The following TPRG1 variants were observed in gnomAD, a reference collection of about 807,000 sequenced individuals.
TPRG1 encodes tumor protein p63 regulated 1, also known as tumor protein p63-regulated gene 1 protein.
A neutral mutation model predicts 29.3 loss-of-function variants in TPRG1; 29 were observed. The observed-to-expected ratio is 0.99, with a 90% CI of 0.74 to 1.35. The LOEUF is 1.35. TPRG1 is among the 40% of genes most tolerant of loss of function. The pLI is 0.00. For missense variants in TPRG1, 327 were observed against 335.0 expected (o/e 0.98, Z 0.19); for synonymous variants, 130 against 116.8 (o/e 1.11, Z -0.73).
At chr3:189,313,030 A>C (rs2109331501) in intron 5 of TPRG1, 1 of 146,134 alleles carries the variant, frequency 6.8e-6, no homozygotes, top group East Asian at 2.0e-4. Flanking sequence ...TCCTTAAATT[A>C]TTATTCCAAA....
chr3:189,097,087 T>G (rs1205741441), upstream of TPRG1, among the ~76,000 whole-genome samples: 1 of 152,218 alleles, frequency 6.6e-6, no homozygotes, highest in Non-Finnish European at 1.5e-5. Context: ...ACGCATTTGG[T>G]CATCTGGGAA....
chr3:189,063,178 T>C (rs1716226402), intron 4 of TPRG1, among the ~76,000 whole-genome samples: 2 of 152,004 alleles, frequency 1.3e-5, no homozygotes, highest in South Asian at 4.1e-4. Flanking sequence ...CATTACATAA[T>C]AATAAAAGGA....
At chr3:189,006,818 T>C (rs1712313275) in intron 3 of TPRG1, among the ~76,000 whole-genome samples, 1 of 152,192 alleles carries the variant, frequency 6.6e-6, no homozygotes, top group African/African-American at 2.4e-5. Context: ...TAAAGTTTTA[T>C]TGGAATACAG....
intron 4 of TPRG1, among the ~76,000 whole-genome samples, chr3:189,265,212 G>A (rs1302818330): frequency 6.6e-6 from 1 of 152,132 alleles, no homozygotes; most frequent in Non-Finnish European, 1.5e-5. Context: ...TAGTATGGTT[G>A]TCAATGTGAG....
intron 4 of TPRG1, among the ~76,000 whole-genome samples, chr3:189,093,043 T>C (rs751011559): frequency 3.3e-5 from 5 of 152,186 alleles, no homozygotes; most frequent in Non-Finnish European, 5.9e-5. Flanking sequence ...AATATACAGA[T>C]ATTTGCCTAG....
intron 4 of TPRG1, among the ~76,000 whole-genome samples, chr3:189,038,666 G>A (rs540854028): frequency 6.6e-6 from 1 of 152,044 alleles, no homozygotes; most frequent in African/African-American, 2.4e-5. Context: ...GAAGGACACT[G>A]TAGATAAAGG....
At chr3:189,041,478 C>T (rs777600022) in intron 4 of TPRG1, among the ~76,000 whole-genome samples, 16 of 152,148 alleles carry the variant, frequency 1.1e-4, no homozygotes, top group Non-Finnish European at 2.2e-4. Flanking sequence ...ACGTACTTCA[C>T]AGGACTATTG....
intron 1 of TPRG1, among the ~76,000 whole-genome samples, chr3:189,115,157 A>G (rs1435010281): frequency 6.6e-6 from 1 of 152,214 alleles, no homozygotes; most frequent in Non-Finnish European, 1.5e-5. Flanking sequence ...GTGGAGCACA[A>G]AAACTGAGAA....
chr3:189,267,886 G>C (rs1472059318), intron 4 of TPRG1, among the ~76,000 whole-genome samples: 4 of 152,192 alleles, frequency 2.6e-5, no homozygotes, highest in Admixed American at 2.0e-4. Context: ...AGAACAGGGA[G>C]CGGTATGTGG....
At chr3:189,134,745 C>A (rs1427103020) in intron 3 of TPRG1, among the ~76,000 whole-genome samples, 1 of 152,002 alleles carries the variant, frequency 6.6e-6, no homozygotes, top group East Asian at 1.9e-4. Context: ...ACATTTTACT[C>A]ATATGTTAAT....
At chr3:189,313,070 G>A (rs762806008) in intron 5 of TPRG1, 2 of 148,196 alleles carry the variant, frequency 1.3e-5, no homozygotes, top group Non-Finnish European at 3.0e-5. Context: ...TTTTCCTTTA[G>A]CAATAGTCTG....
chr3:189,243,673 G>A (rs776824266), intron 4 of TPRG1, among the ~76,000 whole-genome samples: 14 of 152,062 alleles, frequency 9.2e-5, no homozygotes, highest in Non-Finnish European at 1.9e-4. Context: ...CTTAGAAGCA[G>A]CCAGGTCACA....
chr3:189,208,995 A>G (rs1449446610), intron 2 of TPRG1, among the ~76,000 whole-genome samples: 1 of 152,232 alleles, frequency 6.6e-6, no homozygotes, highest in Non-Finnish European at 1.5e-5. Context: ...GGAAAAAGGA[A>G]TAGGAAAAAA....
At chr3:189,066,322 G>A (rs536441651) in intron 4 of TPRG1, among the ~76,000 whole-genome samples, 2 of 152,024 alleles carry the variant, frequency 1.3e-5, no homozygotes, top group Admixed American at 6.5e-5. Context: ...ATTCAACAAG[G>A]CCAGTATTAC....
intron 3 of TPRG1, among the ~76,000 whole-genome samples, chr3:189,016,268 C>G (rs911245328): frequency 6.6e-6 from 1 of 152,098 alleles, no homozygotes; most frequent in African/African-American, 2.4e-5. Context: ...GGGCCTGTAG[C>G]ACCTTTATTT....
chr3:189,235,464 G>A (rs1415297125), intron 3 of TPRG1, among the ~76,000 whole-genome samples: 3 of 152,096 alleles, frequency 2.0e-5, no homozygotes. Flanking sequence ...GACTAGGCAT[G>A]GAATGTGAGG....
chr3:189,268,188 T>A (rs772117623), intron 4 of TPRG1, among the ~76,000 whole-genome samples: 10 of 152,126 alleles, frequency 6.6e-5, no homozygotes, highest in Non-Finnish European at 1.3e-4. Context: ...GAGGATTTTG[T>A]CATGTACACT....
chr3:189,202,679 T>C (rs1458938938), intron 1 of TPRG1, among the ~76,000 whole-genome samples: 2 of 152,110 alleles, frequency 1.3e-5, no homozygotes, highest in Admixed American at 6.6e-5. Context: ...CTGCTAAAAG[T>C]TTTGTGAACC....
At chr3:189,119,503 A>T (rs984115156) in intron 1 of TPRG1, among the ~76,000 whole-genome samples, 1 of 152,142 alleles carries the variant, frequency 6.6e-6, no homozygotes, top group African/African-American at 2.4e-5. Context: ...GGGCAAATTG[A>T]TATGGTTTGG....
Sources: allele counts gnomAD v4.1 joint callset (sites outside exome capture counted in the v4.1 genomes callset), GRCh38; gene constraint gnomAD v4.1.1; transcripts MANE v1.5; gene names NCBI Gene and HGNC (gene_info 2026-07-23, HGNC 2026-07-21).